The following NRP2 variants were observed in gnomAD, a reference collection of about 807,000 sequenced individuals.
NRP2 encodes the protein neuropilin 2.
A neutral mutation model predicts 110.4 loss-of-function variants in NRP2; 52 were observed. The observed-to-expected ratio is 0.47, with a 90% CI of 0.38 to 0.59. NRP2 has a LOEUF of 0.59. NRP2 is among the 20% of genes least tolerant of loss of function. The pLI is 0.00. For missense variants in NRP2, 1,049 were observed against 1,203.0 expected (o/e 0.87, Z 1.89); for synonymous variants, 508 against 468.9 (o/e 1.08, Z -1.08).
At chr2:205,766,302 C>A (rs945596159) in intron 14 of NRP2, among the ~76,000 whole-genome samples, 1 of 152,148 alleles carries the variant, frequency 6.6e-6, no homozygotes, top group East Asian at 1.9e-4. Flanking sequence ...AGAAAGGAAC[C>A]CTGAGAAGGC....
chr2:205,765,825 C>A (rs760515202), intron 14 of NRP2: 19 of 590,494 alleles, frequency 3.2e-5, no homozygotes, highest in Non-Finnish European at 5.8e-5. Flanking sequence ...CATAGAGGTT[C>A]AGGGTGCCAA....
chr2:205,716,168 TC>T (rs1159659250), intron 2 of NRP2, 24 bp from the exon 3 acceptor site: 1 of 1,613,562 alleles, frequency 6.2e-7, no homozygotes, highest in African/African-American at 1.3e-5. Context: ...AGTGATCTTT[TC>T]TTGTCTGTGC....
At chr2:205,713,507 C>T (rs1258967918) in intron 2 of NRP2, among the ~76,000 whole-genome samples, 1 of 152,182 alleles carries the variant, frequency 6.6e-6, no homozygotes, top group Non-Finnish European at 1.5e-5. Flanking sequence ...ACCAATTATC[C>T]TACCACCCAT....
chr2:205,722,892 T>C (rs552814056), intron 4 of NRP2, among the ~76,000 whole-genome samples, 184 bp downstream of exon 4: 2 of 152,376 alleles, frequency 1.3e-5, no homozygotes, highest in Non-Finnish European at 2.9e-5. Context: ...GGCTGTCTAC[T>C]TTCTTGGAAA....
chr2:205,773,904 A>G (rs1206122473), intron 15 of NRP2, among the ~76,000 whole-genome samples: 2 of 152,164 alleles, frequency 1.3e-5, no homozygotes, highest in Non-Finnish European at 2.9e-5. Context: ...TGGTCTGGTC[A>G]GGTACTTCTT....
intron 14 of NRP2, among the ~76,000 whole-genome samples, chr2:205,766,296 A>AG (rs914096863): frequency 6.6e-6 from 1 of 152,186 alleles, no homozygotes; most frequent in African/African-American, 2.4e-5. Flanking sequence ...AAACCAAGAA[A>AG]GGAACCCTGA....
intron 2 of NRP2, among the ~76,000 whole-genome samples, chr2:205,704,677 G>C (rs758959793): frequency 1.3e-5 from 2 of 152,172 alleles, no homozygotes; most frequent in Admixed American, 6.5e-5. Context: ...AATTACTTTG[G>C]GCAGTTTGTT....
At chr2:205,746,499 C>T (rs1421098233) in intron 10 of NRP2, among the ~76,000 whole-genome samples, 2 of 152,188 alleles carry the variant, frequency 1.3e-5, no homozygotes, top group Admixed American at 6.5e-5. Flanking sequence ...TCCTGGTTTC[C>T]GAGGGAGGGC....
At chr2:205,789,181 G>A (rs1405173997) in intron 15 of NRP2, among the ~76,000 whole-genome samples, 1 of 152,178 alleles carries the variant, frequency 6.6e-6, no homozygotes, top group Admixed American at 6.5e-5. Context: ...GGTAGTTACA[G>A]TGTCCCAGCC....
chr2:205,728,407 C>T (rs996867625), intron 7 of NRP2, among the ~76,000 whole-genome samples: 3 of 152,092 alleles, frequency 2.0e-5, no homozygotes, highest in Admixed American at 1.3e-4. Flanking sequence ...TTAACAATCA[C>T]AAAACCACAT....
intron 15 of NRP2, among the ~76,000 whole-genome samples, chr2:205,787,879 C>A (rs1324712856): frequency 2.0e-5 from 3 of 151,914 alleles, no homozygotes; most frequent in African/African-American, 7.3e-5. Context: ...GGGTGTTTCC[C>A]CTGAGCAGCA....
At chr2:205,748,866 G>C (rs759053029) in intron 10 of NRP2, among the ~76,000 whole-genome samples, 2 of 152,144 alleles carry the variant, frequency 1.3e-5, no homozygotes, top group Non-Finnish European at 2.9e-5. Context: ...AATGAATGAC[G>C]GGCATGAGCA....
At chr2:205,743,919 T>A (rs769084841) in intron 9 of NRP2, among the ~76,000 whole-genome samples, 1 of 152,122 alleles carries the variant, frequency 6.6e-6, no homozygotes, top group Admixed American at 6.5e-5. Context: ...AATTTTTGTA[T>A]TTCTGGTAGA....
In NRP2 at chr2:205,794,818, C is replaced by T. The variant is rs150201258; in HGVS notation, c.2541C>T (p.Thr847=). The T allele has an allele frequency of 5.8e-5, 93 of 1,614,056 alleles. No homozygotes were observed. The highest frequency in any genetic ancestry group is 2.8e-4 in the Admixed American group (17 of 60,012). ...SATSGSGAPS[T]DKEKSWLYTL... is the part of the protein sequence containing the mutation. ...CCTCAGGGTCTGGCGCCCCCTCGAC[C>T]GACAAAGAAAAGAGCTGGCTGTACA... Residue 847 remains threonine (T), a synonymous_variant, in exon 17 of 17, where the codon ACC becomes ACT. Coordinates refer to ENST00000357785, the MANE Select transcript of NRP2 (RefSeq NM_003872.3).
In NRP2 at chr2:205,749,846, G is replaced by A. The variant is rs1336554465; in HGVS notation, c.1903+5G>A. The A allele has an allele frequency of 6.8e-6, 11 of 1,608,934 alleles. No individual in the cohort carries two copies. In the Admixed American group the frequency reaches 1.2e-4, roughly 17 times the overall value. On this transcript the variant is annotated splice_donor_5th_base_variant and intron_variant, in intron 11 of 16. Transcript: ENST00000357785. ...AGAACTGCAGCTTTGAGGATGGTAA[G>A]CACAAATTGCCTCCAGATGGCATGG...
chr2:205,721,208 A>G (rs1466301769), intron 3 of NRP2, among the ~76,000 whole-genome samples: 1 of 152,156 alleles, frequency 6.6e-6, no homozygotes, highest in Non-Finnish European at 1.5e-5. Flanking sequence ...AGATCAGTGT[A>G]TTGACATCAC....
Position 205,763,539 on chromosome 2 carries a change from C to A in NRP2, c.2045-135C>A. 8.6e-7 allele frequency: 1 copy of A among 1,159,934 alleles called. No homozygotes were observed. The highest frequency in any genetic ancestry group is 1.3e-6 in the Non-Finnish European group (1 of 773,238). The allele number at this position is 1,159,934 out of a possible 1,614,324, so 71.9% of individuals were successfully genotyped here. On this transcript the variant is annotated intron_variant, in intron 12 of 16. Coordinates refer to ENST00000357785, the MANE Select transcript of NRP2 (RefSeq NM_003872.3). This position sits in a 1 kb window ranked among gnomAD's most constrained non-coding sequence, Gnocchi z 4.0. ...GAGCCTTAAGAAAGGGTCACAGAGC[C>A]TGGAGAACAAGGACATGAATAAACC...
chr2:205,772,734 T>C (rs1033499028), intron 15 of NRP2, among the ~76,000 whole-genome samples: 1 of 152,228 alleles, frequency 6.6e-6, no homozygotes, highest in Admixed American at 6.5e-5. Flanking sequence ...CCCAGGCTCC[T>C]TTTTTGTCAA....
chr2:205,784,457 G>T (rs942370372), intron 15 of NRP2, among the ~76,000 whole-genome samples: 1 of 152,224 alleles, frequency 6.6e-6, no homozygotes, highest in Non-Finnish European at 1.5e-5. Context: ...CCCCACAGCT[G>T]GCATTGAGAG....
Sources: allele counts gnomAD v4.1 joint callset (sites outside exome capture counted in the v4.1 genomes callset), GRCh38; gene constraint gnomAD v4.1.1; non-coding constraint Gnocchi (gnomAD v3.1); transcripts MANE v1.5; gene names NCBI Gene and HGNC (gene_info 2026-07-23, HGNC 2026-07-21).